The following PDGFC variants were observed in gnomAD, a reference collection of about 807,000 sequenced individuals.
PDGFC encodes platelet-derived growth factor C.
In PDGFC, 12 loss-of-function variants were observed where a neutral mutation model predicts 35.5. The observed-to-expected ratio is 0.34, with a 90% CI of 0.22 to 0.55. The LOEUF (loss-of-function observed/expected upper bound fraction) is 0.55. PDGFC is among the 20% of genes least tolerant of loss of function. The probability of loss-of-function intolerance (pLI) is 0.91; values close to 1 mark genes in which losing one functional copy is unlikely to be tolerated. For missense variants in PDGFC, 322 were observed against 412.4 expected, an observed-to-expected ratio of 0.78 and a Z score of 1.90; for synonymous variants, 159 against 148.8, an observed-to-expected ratio of 1.07 and a Z score of -0.50.
intron 1 of PDGFC, among the ~76,000 whole-genome samples, chr4:156,952,961 T>C (rs1732118326): frequency 6.6e-6 from 1 of 151,990 alleles, no homozygotes; most frequent in Admixed American, 6.6e-5. Flanking sequence ...TATTTACAAA[T>C]AAAACATAAT....
intron 1 of PDGFC, among the ~76,000 whole-genome samples, chr4:156,926,642 T>C (rs1283058022): frequency 6.6e-6 from 1 of 152,238 alleles, no homozygotes; most frequent in Non-Finnish European, 1.5e-5. Flanking sequence ...TGACTCCATG[T>C]CTCACATCCA....
chr4:156,936,337 A>G (rs533909731), intron 1 of PDGFC, among the ~76,000 whole-genome samples: 1 of 152,340 alleles, frequency 6.6e-6, no homozygotes, highest in Non-Finnish European at 1.5e-5. Flanking sequence ...CTCTCAGAGG[A>G]GAATTTCTAC....
At chr4:156,968,731 C>G (rs1426677753) in intron 1 of PDGFC, among the ~76,000 whole-genome samples, 1 of 152,084 alleles carries the variant, frequency 6.6e-6, no homozygotes, top group Non-Finnish European at 1.5e-5. Flanking sequence ...ACAAGTAGTT[C>G]CTCTACTTCT....
intron 2 of PDGFC, among the ~76,000 whole-genome samples, chr4:156,829,044 A>G (rs1728863054): frequency 6.6e-6 from 1 of 152,190 alleles, no homozygotes; most frequent in African/African-American, 2.4e-5. Flanking sequence ...ATATTGAACA[A>G]AAGAAAAATA....
At chr4:156,787,450 G>A (rs1229986279) in intron 3 of PDGFC, among the ~76,000 whole-genome samples, 2 of 152,148 alleles carry the variant, frequency 1.3e-5, no homozygotes, top group Admixed American at 6.5e-5. Flanking sequence ...AATATGATGA[G>A]CATGAGTTTA....
chr4:156,779,353 T>A, intron 3 of PDGFC, among the ~76,000 whole-genome samples: 1 of 152,186 alleles, frequency 6.6e-6, no homozygotes, highest in Non-Finnish European at 1.5e-5. Context: ...GTAATGCAGA[T>A]TATATATTTA....
chr4:156,922,630 G>A (rs902685534), intron 1 of PDGFC, among the ~76,000 whole-genome samples: 8 of 152,132 alleles, frequency 5.3e-5, no homozygotes, highest in Non-Finnish European at 8.8e-5. Flanking sequence ...AGAGAGGTGA[G>A]AGAATGAACT....
At chr4:156,878,702 T>G (rs1299736571) in intron 1 of PDGFC, among the ~76,000 whole-genome samples, 1 of 152,178 alleles carries the variant, frequency 6.6e-6, no homozygotes, top group Admixed American at 6.5e-5. Context: ...TCAAAAAGTT[T>G]CAGATTTTGG....
chr4:156,915,677 C>T (rs1731141532), intron 1 of PDGFC, among the ~76,000 whole-genome samples: 1 of 152,026 alleles, frequency 6.6e-6, no homozygotes, highest in African/African-American at 2.4e-5. Context: ...TTTGTAATCT[C>T]AGCTACTCAG....
At chr4:156,927,487 C>T (rs1330888939) in intron 1 of PDGFC, among the ~76,000 whole-genome samples, 3 of 152,168 alleles carry the variant, frequency 2.0e-5, no homozygotes, top group Non-Finnish European at 4.4e-5. Flanking sequence ...CTCTTGAATG[C>T]TTTGCTGCTT....
At chr4:156,841,242 C>T (rs1729196743) in intron 2 of PDGFC, 1 of 152,122 alleles carries the variant, frequency 6.6e-6, no homozygotes, top group African/African-American at 2.4e-5. Context: ...ATGGGAGTGA[C>T]CGGATGGGAG....
At chr4:156,837,273 G>A (rs1403382150) in intron 2 of PDGFC, among the ~76,000 whole-genome samples, 1 of 152,118 alleles carries the variant, frequency 6.6e-6, no homozygotes, top group East Asian at 1.9e-4. Context: ...CACCTACTTG[G>A]GAGGCTGAGG....
chr4:156,821,544 ATTTAT>A (rs1405207567), intron 2 of PDGFC, among the ~76,000 whole-genome samples: 1 of 151,572 alleles, frequency 6.6e-6, no homozygotes, highest in Non-Finnish European at 1.5e-5. Context: ...CTCTACGTAT[ATTTAT>A]TTTATTTTAT....
chr4:156,915,806 A>T (rs1335541488), intron 1 of PDGFC, among the ~76,000 whole-genome samples: 2 of 152,174 alleles, frequency 1.3e-5, no homozygotes, highest in Admixed American at 6.5e-5. Context: ...AGAAAATCAC[A>T]AAGTTTCATA....
chr4:156,807,111 T>C (rs1393715378), intron 3 of PDGFC, among the ~76,000 whole-genome samples: 1 of 151,986 alleles, frequency 6.6e-6, no homozygotes, highest in African/African-American at 2.4e-5. Context: ...ATGTATCATT[T>C]GGCATCAATT....
intron 3 of PDGFC, among the ~76,000 whole-genome samples, chr4:156,805,063 A>G (rs1731722543): frequency 6.6e-6 from 1 of 152,072 alleles, no homozygotes. Context: ...AAAAGGAATC[A>G]GTAGAAATGA....
At chr4:156,824,359 CATATAT>C (rs1247339920) in intron 2 of PDGFC, among the ~76,000 whole-genome samples, 1 of 128,466 alleles carries the variant, frequency 7.8e-6, no homozygotes, top group Admixed American at 7.4e-5. Flanking sequence ...CATATACACA[CATATAT>C]ACACACACAT....
intron 1 of PDGFC, among the ~76,000 whole-genome samples, chr4:156,898,349 A>G (rs1730685117): frequency 6.6e-6 from 1 of 152,184 alleles, no homozygotes; most frequent in Non-Finnish European, 1.5e-5. Flanking sequence ...AGCACCTCGA[A>G]CAGACTAAGG....
At chr4:156,873,142 G>T (rs895578938) in intron 1 of PDGFC, among the ~76,000 whole-genome samples, 7 of 152,090 alleles carry the variant, frequency 4.6e-5, no homozygotes, top group Non-Finnish European at 1.0e-4. Flanking sequence ...ACATAAGGAA[G>T]AAGAATGCTC....
Sources: allele counts gnomAD v4.1 joint callset (sites outside exome capture counted in the v4.1 genomes callset), GRCh38; gene constraint gnomAD v4.1.1; transcripts MANE v1.5; gene names NCBI Gene and HGNC (gene_info 2026-07-23, HGNC 2026-07-21).